The following TECPR2 variants were observed in gnomAD, a reference collection of about 807,000 sequenced individuals.
TECPR2 encodes tectonin beta-propeller repeat containing 2, also known as tectonin beta-propeller repeat-containing protein 2.
Under a neutral mutation model 138.1 loss-of-function variants are expected in TECPR2, and 65 were observed. That is an observed-to-expected ratio of 0.47 (90% CI 0.39 to 0.58). The LOEUF (loss-of-function observed/expected upper bound fraction) is 0.58. Ranked by LOEUF, TECPR2 falls within the 20% of genes least tolerant of loss-of-function variation. The pLI, the probability that TECPR2 is intolerant of heterozygous loss-of-function variation, is 0.00. For missense variants in TECPR2, 1,553 were observed against 1,824.5 expected, an observed-to-expected ratio of 0.85 and a Z score of 2.71; for synonymous variants, 746 against 749.8, an observed-to-expected ratio of 0.99 and a Z score of 0.08.
At chr14:102,498,023 G>A (rs909753273) in intron 19 of TECPR2, 80 bp from the exon 20 acceptor site, 20 of 1,502,892 alleles carry the variant, frequency 1.3e-5, no homozygotes, top group East Asian at 2.3e-5. Context: ...CCAGACCTGC[G>A]CCCAAGCTCC....
intron 2 of TECPR2, among the ~76,000 whole-genome samples, chr14:102,397,847 C>G (rs1237045482): frequency 6.6e-6 from 1 of 151,920 alleles, no homozygotes; most frequent in Admixed American, 6.6e-5. Context: ...AGAGGCAGAT[C>G]AGTTGAGTCC....
chr14:102,447,674 A>G (rs1229703209), intron 13 of TECPR2, among the ~76,000 whole-genome samples: 4 of 152,172 alleles, frequency 2.6e-5, no homozygotes, highest in Non-Finnish European at 5.9e-5. Flanking sequence ...AGCTGGGACT[A>G]CAGGCACGCA....
chr14:102,493,625 T>C (rs7150548), intron 17 of TECPR2, among the ~76,000 whole-genome samples: 35,297 of 152,170 alleles, frequency 0.23, 4,871 homozygotes, highest in African/African-American at 0.38. Context: ...CCAGCACAGC[T>C]AGCGGTGGGG....
At chr14:102,446,452 AG>A (rs1252372279) in intron 13 of TECPR2, among the ~76,000 whole-genome samples, 1 of 151,366 alleles carries the variant, frequency 6.6e-6, no homozygotes. Context: ...TACAAAAATT[AG>A]TTGGACATGG....
At chr14:102,383,357 T>G (rs1012676844) in intron 2 of TECPR2, among the ~76,000 whole-genome samples, 1 of 152,184 alleles carries the variant, frequency 6.6e-6, no homozygotes, top group African/African-American at 2.4e-5. Context: ...CCAGTTTTCT[T>G]TTATAAAGCA....
intron 17 of TECPR2, among the ~76,000 whole-genome samples, chr14:102,487,789 C>T (rs1238019348): frequency 6.6e-6 from 1 of 152,036 alleles, no homozygotes; most frequent in South Asian, 2.1e-4. Context: ...GATCCGCCCA[C>T]CTCGGCCTCC....
rs564316192 is a variant in TECPR2, at chr14:102,481,011, A to ATTT, written c.3789+15738_3789+15740dup. On this transcript the variant is annotated intron_variant, in intron 17 of 19. Transcript: ENST00000359520. Reference sequence around the variant, plus strand: ...AGGCACCCGCCACCACGCCTGGCTAATTTTTTTTTTTTTTTTTTGAGACAG... The same window carrying ATTT: ...AGGCACCCGCCACCACGCCTGGCTAATTTTTTTTTTTTTTTTTTTTTGAGACAG... Among the ~76,000 whole-genome samples, 99 of 128,848 alleles carry ATTT rather than the reference A, an allele frequency of 7.7e-4. 1 individual carries two copies. The highest frequency in any genetic ancestry group is 2.7e-3 in the African/African-American group (95 of 34,858). 84.5% of individuals were successfully genotyped at this position (128,848 alleles called of 152,430 possible).
intron 1 of TECPR2, among the ~76,000 whole-genome samples, chr14:102,367,543 ATAT>A (rs1887376955): frequency 6.6e-6 from 1 of 152,126 alleles, no homozygotes; most frequent in African/African-American, 2.4e-5. Context: ...ACTTAGCATA[ATAT>A]TCTCAGGATT....
At chr14:102,455,302 T>C (rs933689299) in intron 16 of TECPR2, among the ~76,000 whole-genome samples, 1 of 152,190 alleles carries the variant, frequency 6.6e-6, no homozygotes, top group African/African-American at 2.4e-5. Context: ...AGTATCCGGC[T>C]GACCCCGAAA....
intron 17 of TECPR2, among the ~76,000 whole-genome samples, chr14:102,467,708 G>A (rs1162966259): frequency 1.3e-5 from 2 of 152,140 alleles, no homozygotes; most frequent in Admixed American, 1.3e-4. Flanking sequence ...AGTCATCATA[G>A]TAGTTGGAAA....
intron 2 of TECPR2, among the ~76,000 whole-genome samples, chr14:102,382,763 CT>C (rs541036133): frequency 6.1e-5 from 9 of 147,644 alleles, no homozygotes; most frequent in South Asian, 2.2e-4. Flanking sequence ...GTTTGCAAAT[CT>C]TTTTTTTTTT....
chr14:102,483,364 G>C (rs1452176095), intron 17 of TECPR2, among the ~76,000 whole-genome samples: 16 of 151,890 alleles, frequency 1.1e-4, no homozygotes, highest in Admixed American at 7.9e-4. Flanking sequence ...CGCCTCTCTT[G>C]TTTTCCTTTT....
intron 2 of TECPR2, among the ~76,000 whole-genome samples, chr14:102,402,953 C>T (rs1335642410): frequency 6.6e-6 from 1 of 152,094 alleles, no homozygotes; most frequent in African/African-American, 2.4e-5. Flanking sequence ...GTGAATTTAA[C>T]CAAGCATTTA....
At chr14:102,448,162 T>C (rs773304978) in intron 13 of TECPR2, among the ~76,000 whole-genome samples, 1 of 151,804 alleles carries the variant, frequency 6.6e-6, no homozygotes, top group Non-Finnish European at 1.5e-5. Context: ...GGTTTCACCA[T>C]GTTGGCAGGC....
In TECPR2 at chr14:102,399,342, G is replaced by A. The variant is rs1888407292; in HGVS notation, c.220-7996G>A. On this transcript the variant is annotated intron_variant, in intron 2 of 19. Coordinates refer to ENST00000359520, the MANE Select transcript of TECPR2 (RefSeq NM_014844.5). ...ATATATTCAGAGTGTTAAAAAGAAA[G>A]AAGACCTGTCAACTAACCATCTAAT... 1.3e-5 allele frequency among the ~76,000 whole-genome samples: 2 copies of A among 152,264 alleles called. 1 individual carries two copies. The highest frequency in any genetic ancestry group is 6.8e-3 in the Middle Eastern group (2 of 294).
intron 12 of TECPR2, 152 bp from the exon 13 acceptor site, chr14:102,445,654 A>C (rs774830783): frequency 2.0e-6 from 2 of 984,260 alleles, no homozygotes; most frequent in Non-Finnish European, 2.9e-6. Flanking sequence ...ACTCAGACCC[A>C]AACTTCCTTC....
chr14:102,499,070 G>A lies in TECPR2; in HGVS notation c.*813G>A, dbSNP rs143395588. ...ACACCACACCTCACTGCCCACACAC[G>A]GCGCAGGCTGCCCGCCTCCTGGAGA... On this transcript the variant is annotated 3_prime_UTR_variant, in exon 20 of 20. Coordinates refer to ENST00000359520, the MANE Select transcript of TECPR2 (RefSeq NM_014844.5). 8.5e-6 allele frequency: 6 copies of A among 702,650 alleles called. No individual in the cohort carries two copies. Among genetic ancestry groups the A allele is most frequent in the East Asian group, 2.7e-5 (1 of 37,268 alleles). The allele number at this position is 702,650 out of a possible 1,614,324, so 43.5% of individuals were successfully genotyped here.
At chr14:102,495,307 G>A (rs911806850) in intron 17 of TECPR2, among the ~76,000 whole-genome samples, 2 of 152,200 alleles carry the variant, frequency 1.3e-5, no homozygotes, top group African/African-American at 4.8e-5. Flanking sequence ...TTTTGGCTGC[G>A]GAGCTGCGAC....
At chr14:102,492,982 CG>C (rs1289804519) in intron 17 of TECPR2, among the ~76,000 whole-genome samples, 1 of 152,156 alleles carries the variant, frequency 6.6e-6, no homozygotes, top group Non-Finnish European at 1.5e-5. Flanking sequence ...GAAAGGGATG[CG>C]GGGTAGCCAT....
Sources: allele counts gnomAD v4.1 joint callset (sites outside exome capture counted in the v4.1 genomes callset), GRCh38; gene constraint gnomAD v4.1.1; transcripts MANE v1.5; gene names NCBI Gene and HGNC (gene_info 2026-07-23, HGNC 2026-07-21).